Variants in LTBP1 observed in about 807,000 individuals in gnomAD.
LTBP1 encodes latent-transforming growth factor beta-binding protein 1.
In LTBP1, 129 loss-of-function variants were observed where a neutral mutation model predicts 207.6. The observed-to-expected ratio is 0.62, with a 90% CI of 0.54 to 0.72. The LOEUF (loss-of-function observed/expected upper bound fraction) is 0.72. Among genes scored for constraint, LTBP1 ranks in the 30% least tolerant of loss-of-function variants. LTBP1 has a pLI of 0.00. For missense variants in LTBP1, 2,281 were observed against 2,217.2 expected (o/e 1.03, Z -0.58); for synonymous variants, 963 against 833.7 (o/e 1.16, Z -2.67).
At chr2:33,284,774 A>G (rs2093630287) in intron 19 of LTBP1, among the ~76,000 whole-genome samples, 1 of 151,992 alleles carries the variant, frequency 6.6e-6, no homozygotes, top group African/African-American at 2.4e-5. Flanking sequence ...GAATTTAGAC[A>G]GAGTTTGGGC....
At chr2:32,984,931 C>CA (rs1683314105) in intron 2 of LTBP1, among the ~76,000 whole-genome samples, 1 of 112,020 alleles carries the variant, frequency 8.9e-6, no homozygotes, top group African/African-American at 2.7e-5. Flanking sequence ...GACTCTGTTT[C>CA]AAAAAAACAA....
At chr2:33,012,258 G>T (rs895936657) in intron 2 of LTBP1, among the ~76,000 whole-genome samples, 1 of 151,580 alleles carries the variant, frequency 6.6e-6, no homozygotes, top group African/African-American at 2.4e-5. Context: ...TTGCCCAAGG[G>T]CACAGAGCTG....
chr2:33,138,064 G>T (rs2082285615), intron 5 of LTBP1, among the ~76,000 whole-genome samples: 1 of 152,160 alleles, frequency 6.6e-6, no homozygotes, highest in Non-Finnish European at 1.5e-5. Flanking sequence ...CCTCCACACA[G>T]TGCAGGTCCT....
intron 7 of LTBP1, among the ~76,000 whole-genome samples, chr2:33,205,218 C>G (rs1415817323): frequency 6.6e-6 from 1 of 152,214 alleles, no homozygotes. Context: ...CTTTTTAGTA[C>G]TTCTTCAACC....
chr2:33,390,760 T>G (rs2150610501), intron 32 of LTBP1, among the ~76,000 whole-genome samples: 1 of 152,188 alleles, frequency 6.6e-6, no homozygotes, highest in Middle Eastern at 3.4e-3. Flanking sequence ...CCAAAGTGCT[T>G]ATAGGTGTGA....
At chr2:33,280,609 C>G (rs1358527454) in intron 19 of LTBP1, among the ~76,000 whole-genome samples, 1 of 152,164 alleles carries the variant, frequency 6.6e-6, no homozygotes, top group Non-Finnish European at 1.5e-5. Context: ...TTCTAATTAC[C>G]CGTGCTGTAG....
At chr2:33,171,675 T>C (rs1332556147) in intron 5 of LTBP1, among the ~76,000 whole-genome samples, 70 of 151,790 alleles carry the variant, frequency 4.6e-4, no homozygotes, top group East Asian at 1.9e-4. Context: ...AGATACTCCT[T>C]GAGAAGAGCA....
chr2:33,390,551 T>G (rs2150603795), intron 32 of LTBP1, among the ~76,000 whole-genome samples: 1 of 151,986 alleles, frequency 6.6e-6, no homozygotes, highest in East Asian at 1.9e-4. Context: ...TGCAGTGCCA[T>G]GATCACAGCT....
At chr2:33,184,766 C>T (rs531675336) in intron 5 of LTBP1, among the ~76,000 whole-genome samples, 1 of 142,138 alleles carries the variant, frequency 7.0e-6, no homozygotes, top group South Asian at 2.3e-4. Flanking sequence ...TCCCTTCCCT[C>T]ATTCAGTATT....
intron 7 of LTBP1, among the ~76,000 whole-genome samples, chr2:33,210,922 T>G (rs1193403232): frequency 6.6e-6 from 1 of 152,216 alleles, no homozygotes; most frequent in Non-Finnish European, 1.5e-5. Context: ...CAGACTTCTG[T>G]TTTATTTCAT....
chr2:33,364,577 A>G (rs1420666318), intron 30 of LTBP1, among the ~76,000 whole-genome samples: 2 of 152,198 alleles, frequency 1.3e-5, no homozygotes, highest in South Asian at 4.1e-4. Flanking sequence ...AGTATGGACT[A>G]TGGAGTGGCT....
At chr2:32,980,232 TC>T (rs1488119820) in intron 2 of LTBP1, among the ~76,000 whole-genome samples, 2 of 152,140 alleles carry the variant, frequency 1.3e-5, no homozygotes, top group Admixed American at 6.5e-5. Flanking sequence ...TTCTCTTCTT[TC>T]TTTTCTTTCT....
chr2:33,016,500 T>C (rs1688397267), intron 2 of LTBP1, among the ~76,000 whole-genome samples: 1 of 152,128 alleles, frequency 6.6e-6, no homozygotes, highest in African/African-American at 2.4e-5. Flanking sequence ...CCTCCCCCGC[T>C]AGAGATTCTG....
chr2:33,042,451 T>C (rs1230195249), intron 3 of LTBP1, among the ~76,000 whole-genome samples: 1 of 152,034 alleles, frequency 6.6e-6, no homozygotes, highest in Non-Finnish European at 1.5e-5. Flanking sequence ...GGGAGAGAAA[T>C]AGGAGCCAAA....
chr2:33,063,413 A>T (rs536456726), intron 3 of LTBP1, among the ~76,000 whole-genome samples: 1 of 152,344 alleles, frequency 6.6e-6, no homozygotes, highest in African/African-American at 2.4e-5. Flanking sequence ...GCAGATAGGC[A>T]ATCAGGCTCT....
At chr2:33,019,648 C>A (rs1357746569) in intron 2 of LTBP1, among the ~76,000 whole-genome samples, 4 of 148,130 alleles carry the variant, frequency 2.7e-5, no homozygotes, top group African/African-American at 1.0e-4. Flanking sequence ...AGCATCTAAA[C>A]TTCTAAGGGA....
At chr2:32,985,204 A>C (rs1269197865) in intron 2 of LTBP1, among the ~76,000 whole-genome samples, 1 of 152,186 alleles carries the variant, frequency 6.6e-6, no homozygotes, top group Non-Finnish European at 1.5e-5. Flanking sequence ...GTGATGTCCC[A>C]TTAGATCTTT....
At position 33,389,814 on chromosome 2, in the gene LTBP1, A is replaced by G. The variant is rs540784682; in HGVS notation, c.4834+508A>G. ...ACCACCATGCCCGGCTAAATTTTGT[A>G]TTGTTAGTAGAGACTGGGTTTCACC... On this transcript the variant is annotated intron_variant, in intron 32 of 33. Transcript: ENST00000404816. Among the ~76,000 whole-genome samples the G allele has an allele frequency of 4.6e-5, 7 of 152,144 alleles. No individual in the cohort carries two copies. In the East Asian group the frequency reaches 1.2e-3, roughly 25 times the overall value.
chr2:33,035,419 T>G (rs1333357000), intron 3 of LTBP1, among the ~76,000 whole-genome samples: 1 of 152,222 alleles, frequency 6.6e-6, no homozygotes, highest in Non-Finnish European at 1.5e-5. Flanking sequence ...GACCATTATC[T>G]TTTCATAGGC....
Sources: allele counts gnomAD v4.1 joint callset (sites outside exome capture counted in the v4.1 genomes callset), GRCh38; gene constraint gnomAD v4.1.1; transcripts MANE v1.5; gene names NCBI Gene and HGNC (gene_info 2026-07-23, HGNC 2026-07-21).